UGGT2: variants seen among roughly 807,000 people sequenced by gnomAD.
UGGT2 encodes UDP-glucose glycoprotein glucosyltransferase 2.
UGGT2 carries 180 observed loss-of-function variants against 192.1 expected under a neutral mutation model. That is an observed-to-expected ratio of 0.94 (90% CI 0.83 to 1.06). The LOEUF is 1.06. UGGT2 is among the 50% of genes least tolerant of loss of function. The probability of loss-of-function intolerance (pLI) is 0.00; values close to 1 mark genes in which losing one functional copy is unlikely to be tolerated. For missense variants in UGGT2, 1,849 were observed against 1,795.7 expected (o/e 1.03, Z -0.54); for synonymous variants, 580 against 591.0 (o/e 0.98, Z 0.27).
chr13:96,034,971 C>A (rs1296801152), intron 1 of UGGT2, among the ~76,000 whole-genome samples: 1 of 152,198 alleles, frequency 6.6e-6, no homozygotes, highest in Non-Finnish European at 1.5e-5. Flanking sequence ...AAAACTAGGG[C>A]AAAGGTGCTA....
At chr13:95,828,724 C>G (rs3101571) in intron 38 of UGGT2, among the ~76,000 whole-genome samples, 104,922 of 152,040 alleles carry the variant, frequency 0.69, 38,447 homozygotes, top group Non-Finnish European at 0.84. Flanking sequence ...ATTCACAGTC[C>G]TATTCTACCA....
chr13:96,044,228 C>T (rs2053244274), intron 1 of UGGT2, among the ~76,000 whole-genome samples: 1 of 152,150 alleles, frequency 6.6e-6, no homozygotes, highest in South Asian at 2.1e-4. Flanking sequence ...CAAAACCATG[C>T]AAATACATGG....
chr13:95,843,613 T>C (rs974865277), intron 36 of UGGT2, among the ~76,000 whole-genome samples: 1 of 152,172 alleles, frequency 6.6e-6, no homozygotes, highest in African/African-American at 2.4e-5. Context: ...CCTTTGTCTA[T>C]GATGTGTTTG....
intron 20 of UGGT2, among the ~76,000 whole-genome samples, chr13:95,923,238 T>A (rs1329553424): frequency 6.6e-6 from 1 of 152,156 alleles, no homozygotes; most frequent in Non-Finnish European, 1.5e-5. Context: ...AAAAAATTTT[T>A]TTTAGAGACA....
At chr13:95,967,723 T>C (rs996643191) in intron 12 of UGGT2, among the ~76,000 whole-genome samples, 2 of 151,896 alleles carry the variant, frequency 1.3e-5, no homozygotes, top group Non-Finnish European at 2.9e-5. Flanking sequence ...CCGCCCACCT[T>C]GGCCTCCCAA....
At chr13:96,017,864 A>G (rs2052386664) in intron 4 of UGGT2, among the ~76,000 whole-genome samples, 1 of 152,198 alleles carries the variant, frequency 6.6e-6, no homozygotes, top group Non-Finnish European at 1.5e-5. Flanking sequence ...CAAAAGTTTA[A>G]AGCCACAAAA....
At chr13:95,989,933 T>C (rs1275611232) in intron 8 of UGGT2, 40 bp downstream of exon 8, 2 of 1,385,000 alleles carry the variant, frequency 1.4e-6, no homozygotes, top group South Asian at 1.4e-5. Flanking sequence ...AACAGATCAG[T>C]TACCAAAATG....
chr13:95,812,294 T>G (rs1884623607), intron 38 of UGGT2, among the ~76,000 whole-genome samples: 1 of 152,196 alleles, frequency 6.6e-6, no homozygotes, highest in South Asian at 2.1e-4. Context: ...AAAACAATTC[T>G]TAGGAGCTGT....
Position 95,927,102 on chromosome 13 carries a change from G to A in UGGT2, c.2126C>T (p.Ser709Phe), listed in dbSNP as rs373624074. 215 of 1,611,302 alleles carry A rather than the reference G, an allele frequency of 1.3e-4. No homozygotes were observed. The highest frequency in any genetic ancestry group is 1.7e-4 in the Non-Finnish European group (203 of 1,179,268). The change falls in exon 19 of 39, where the codon TCT becomes TTT. Residue 709 changes from serine (S) to phenylalanine (F), a missense_variant. Coordinates refer to ENST00000376747, the MANE Select transcript of UGGT2 (RefSeq NM_020121.4). ...TTGTGAATCCAAGAAAAAGAAAGTA[G>A]AGAAATCTTCAACATCAGCAGTTAC... ...TSVTADVEDF[S>F]TFFFLDSQDK... is the part of the protein sequence containing the mutation.
At chr13:95,943,328 T>C (rs2049753853) in intron 15 of UGGT2, among the ~76,000 whole-genome samples, 1 of 152,050 alleles carries the variant, frequency 6.6e-6, no homozygotes. Context: ...TTGATAAACA[T>C]GGTAGAGCTT....
intron 12 of UGGT2, among the ~76,000 whole-genome samples, chr13:95,967,276 CCAAGTAGCTG>C (rs2050612267): frequency 6.6e-6 from 1 of 152,002 alleles, no homozygotes; most frequent in Non-Finnish European, 1.5e-5. Flanking sequence ...CCTCAGCCTC[CCAAGTAGCTG>C]GGACTACAGG....
At chr13:95,988,967 G>C (rs985011753) in intron 8 of UGGT2, among the ~76,000 whole-genome samples, 10 of 152,112 alleles carry the variant, frequency 6.6e-5, no homozygotes, top group Non-Finnish European at 1.3e-4. Flanking sequence ...AGTTATACTA[G>C]TGAGAGTGGC....
intron 20 of UGGT2, among the ~76,000 whole-genome samples, chr13:95,908,454 C>A (rs559083421): frequency 1.3e-5 from 2 of 151,388 alleles, no homozygotes; most frequent in South Asian, 4.2e-4. Flanking sequence ...TCGTGAGATT[C>A]ACCAAAGTTG....
At chr13:95,844,672 T>G (rs1888209439) in intron 36 of UGGT2, among the ~76,000 whole-genome samples, 1 of 152,260 alleles carries the variant, frequency 6.6e-6, no homozygotes, top group Non-Finnish European at 1.5e-5. Context: ...GTTCTAGCTT[T>G]TTGGTAGATT....
intron 23 of UGGT2, 58 bp downstream of exon 23, chr13:95,895,122 A>G: frequency 6.7e-7 from 1 of 1,500,940 alleles, no homozygotes; most frequent in Middle Eastern, 1.7e-4. Flanking sequence ...AATCTTAAAA[A>G]CATTAGACTC....
At chr13:95,805,347 G>A (rs969206450) in intron 38 of UGGT2, among the ~76,000 whole-genome samples, 21 of 151,956 alleles carry the variant, frequency 1.4e-4, no homozygotes, top group African/African-American at 4.6e-4. Context: ...CTGTTGATGG[G>A]AGTGTAAAAT....
At position 95,801,764 on chromosome 13, in the gene UGGT2, C is replaced by A; in HGVS notation, c.*26G>T. On this transcript the variant is annotated 3_prime_UTR_variant, in exon 39 of 39. Transcript: ENST00000376747. ...GGCGGCAGGTTTCCTGTCATGCTTTCGCCTTCCTTCTCATATACACCAGTG... is the reference window on the plus strand; with the variant it reads ...GGCGGCAGGTTTCCTGTCATGCTTTAGCCTTCCTTCTCATATACACCAGTG... 2 of 1,610,496 alleles carry A rather than the reference C, an allele frequency of 1.2e-6. No homozygotes were observed. The highest frequency in any genetic ancestry group is 1.1e-5 in the South Asian group (1 of 90,194).
chr13:95,927,461 AT>A (rs1286527725), intron 17 of UGGT2, 125 bp from the exon 18 acceptor site: 2 of 776,248 alleles, frequency 2.6e-6, no homozygotes, highest in Non-Finnish European at 3.7e-6. Context: ...ATTACAATAC[AT>A]TTTCTTTCTT....
At chr13:95,828,825 C>CA (rs753723166) in intron 38 of UGGT2, among the ~76,000 whole-genome samples, 1 of 152,252 alleles carries the variant, frequency 6.6e-6, no homozygotes, top group Non-Finnish European at 1.5e-5. Context: ...TTTATGAGGA[C>CA]AGCATCATCC....
Sources: allele counts gnomAD v4.1 joint callset (sites outside exome capture counted in the v4.1 genomes callset), GRCh38; gene constraint gnomAD v4.1.1; transcripts MANE v1.5; gene names NCBI Gene and HGNC (gene_info 2026-07-23, HGNC 2026-07-21).